The following GABRG3 variants were observed in gnomAD, a reference collection of about 807,000 sequenced individuals.
GABRG3 encodes the protein gamma-aminobutyric acid type A receptor subunit gamma3.
GABRG3 carries 25 observed loss-of-function variants against 48.8 expected under a neutral mutation model. The observed-to-expected ratio is 0.51, with a 90% confidence interval of 0.37 to 0.72. The LOEUF is 0.72. Among genes scored for constraint, GABRG3 ranks in the 30% least tolerant of loss-of-function variants. The pLI, the probability that GABRG3 is intolerant of heterozygous loss-of-function variation, is 0.00. For missense variants in GABRG3, 394 were observed against 577.9 expected, an observed-to-expected ratio of 0.68 and a Z score of 3.26; for synonymous variants, 227 against 217.6, an observed-to-expected ratio of 1.04 and a Z score of -0.38.
At chr15:27,148,164 A>C (rs1898243976) in intron 3 of GABRG3, among the ~76,000 whole-genome samples, 1 of 151,942 alleles carries the variant, frequency 6.6e-6, no homozygotes, top group Non-Finnish European at 1.5e-5. Context: ...GAAGAATTAC[A>C]AAAGAATACT....
intron 5 of GABRG3, among the ~76,000 whole-genome samples, chr15:27,407,577 A>G (rs986643995): frequency 6.6e-6 from 1 of 152,350 alleles, no homozygotes; most frequent in Non-Finnish European, 1.5e-5. Context: ...TTCAGTAGGT[A>G]AATGAATAAG....
At chr15:27,466,209 A>G (rs8024896) in intron 5 of GABRG3, among the ~76,000 whole-genome samples, 57,997 of 152,086 alleles carry the variant, frequency 0.38, 14,427 homozygotes, top group African/African-American at 0.69. Context: ...ACCCAGCAGC[A>G]GACTTTACAA....
chr15:27,301,870 T>C (rs1445731208), intron 3 of GABRG3, among the ~76,000 whole-genome samples: 1 of 152,050 alleles, frequency 6.6e-6, no homozygotes, highest in African/African-American at 2.4e-5. Flanking sequence ...TAATGGTGGC[T>C]TTCTCATCAG....
At chr15:27,067,800 T>A (rs1194906161) in intron 3 of GABRG3, among the ~76,000 whole-genome samples, 1 of 152,216 alleles carries the variant, frequency 6.6e-6, no homozygotes, top group East Asian at 1.9e-4. Context: ...CCTGTACTAA[T>A]CTCTTTTCTG....
At chr15:27,441,828 T>C (rs72707629) in intron 5 of GABRG3, among the ~76,000 whole-genome samples, 2,380 of 152,334 alleles carry the variant, frequency 0.016, 44 homozygotes, top group South Asian at 0.084. Flanking sequence ...ATGTTATGTT[T>C]TTTTTAAAGC....
intron 5 of GABRG3, among the ~76,000 whole-genome samples, chr15:27,406,556 G>C (rs1246357362): frequency 6.6e-6 from 1 of 152,118 alleles, no homozygotes; most frequent in Non-Finnish European, 1.5e-5. Flanking sequence ...GAAAACATCA[G>C]GCAAAACCAG....
chr15:27,289,601 T>C (rs972521880), intron 3 of GABRG3, among the ~76,000 whole-genome samples: 1 of 152,214 alleles, frequency 6.6e-6, no homozygotes, highest in Non-Finnish European at 1.5e-5. Flanking sequence ...TGTGCTCTAA[T>C]TGATCAAGTT....
intron 5 of GABRG3, among the ~76,000 whole-genome samples, chr15:27,395,115 T>A (rs1368413254): frequency 3.3e-5 from 5 of 152,204 alleles, no homozygotes; most frequent in Non-Finnish European, 5.9e-5. Context: ...TGATGGTGTC[T>A]CCCAGTCTCT....
In GABRG3 at chr15:26,988,581, A is replaced by G. The variant is rs181788871; in HGVS notation, c.202+11431A>G. Among the ~76,000 whole-genome samples, 320 of 152,126 alleles carry G rather than the reference A, an allele frequency of 2.1e-3. 2 individuals carry two copies. Among genetic ancestry groups the G allele is most frequent in the Middle Eastern group, 6.8e-3 (2 of 294 alleles). On this transcript the variant is annotated intron_variant, in intron 2 of 9. Transcript: ENST00000615808. The stretch of plus-strand genomic sequence containing the variant: ...GACATATAGGTGAATCTTGCCTTTA[A>G]TAAAAAAGCCCAATCTAACAATCTC...
intron 3 of GABRG3, among the ~76,000 whole-genome samples, chr15:27,055,379 GTATT>G (rs1896528053): frequency 6.6e-6 from 1 of 152,306 alleles, no homozygotes; most frequent in Non-Finnish European, 1.5e-5. Context: ...AATGTTATAA[GTATT>G]TATTTAGGAA....
At position 27,379,759 on chromosome 15, in the gene GABRG3, G is replaced by A. The variant is rs117732061; in HGVS notation, c.574+50871G>A. Among the ~76,000 whole-genome samples the A allele has an allele frequency of 5.9e-3, 905 of 152,200 alleles. 10 individuals are homozygous for A. Among genetic ancestry groups the A allele is most frequent in the South Asian group, 0.028 (136 of 4,818 alleles). ...TGCTCCATTCCCTTCTTACTGCCTTGATTTCTGAAGAGAAGTCCAGTGGAA... is the reference window on the plus strand; with the variant it reads ...TGCTCCATTCCCTTCTTACTGCCTTAATTTCTGAAGAGAAGTCCAGTGGAA... On this transcript the variant is annotated intron_variant, in intron 5 of 9. Coordinates refer to ENST00000615808, the MANE Select transcript of GABRG3 (RefSeq NM_033223.5).
intron 3 of GABRG3, among the ~76,000 whole-genome samples, chr15:27,240,344 G>A (rs1019379288): frequency 2.0e-5 from 3 of 152,168 alleles, no homozygotes; most frequent in Non-Finnish European, 4.4e-5. Context: ...CAGTGCTGGA[G>A]GCTAAGAAGA....
intron 5 of GABRG3, among the ~76,000 whole-genome samples, chr15:27,357,567 AT>A (rs1258778434): frequency 1.3e-5 from 2 of 152,244 alleles, no homozygotes; most frequent in Non-Finnish European, 2.9e-5. Context: ...TTCTAAAAAA[AT>A]AACTCTATTA....
At chr15:27,446,517 C>A (rs2140637555) in intron 5 of GABRG3, among the ~76,000 whole-genome samples, 1 of 152,144 alleles carries the variant, frequency 6.6e-6, no homozygotes, top group East Asian at 1.9e-4. Flanking sequence ...TGAGACAAGA[C>A]TGTTACATTA....
chr15:27,178,540 A>G (rs1000413407), intron 3 of GABRG3, among the ~76,000 whole-genome samples: 2 of 152,218 alleles, frequency 1.3e-5, no homozygotes, highest in Admixed American at 6.5e-5. Flanking sequence ...GTCGGTTCAC[A>G]AAAGGAAGGT....
chr15:27,156,183 C>T (rs1014043452), intron 3 of GABRG3, among the ~76,000 whole-genome samples: 2 of 150,278 alleles, frequency 1.3e-5, no homozygotes, highest in African/African-American at 4.9e-5. Context: ...CCAGTAGTCC[C>T]AGTTACTTGG....
intron 3 of GABRG3, among the ~76,000 whole-genome samples, chr15:27,200,542 C>G (rs1888649113): frequency 6.6e-6 from 1 of 152,178 alleles, no homozygotes; most frequent in South Asian, 2.1e-4. Flanking sequence ...ACAGCAGGGA[C>G]AGACCCCTCC....
intron 3 of GABRG3, among the ~76,000 whole-genome samples, chr15:27,326,452 C>A (rs952684382): frequency 6.6e-6 from 1 of 152,156 alleles, no homozygotes; most frequent in South Asian, 2.1e-4. Context: ...TTTTATAGAT[C>A]AGAGAACAGA....
chr15:27,511,228 G>A lies in GABRG3; in HGVS notation c.713-8744G>A, dbSNP rs1441010356. Among the ~76,000 whole-genome samples, 2 of 152,290 alleles carry A rather than the reference G, an allele frequency of 1.3e-5. 1 individual carries two copies. Among genetic ancestry groups the A allele is most frequent in the South Asian group, 4.1e-4 (2 of 4,820 alleles). On this transcript the variant is annotated intron_variant, in intron 6 of 9. Coordinates refer to ENST00000615808, the MANE Select transcript of GABRG3 (RefSeq NM_033223.5). The stretch of plus-strand genomic sequence containing the variant: ...GAATTATCTACAATTCTTTTGTAAG[G>A]TGCAGAGTTTTGTAAACAATAGATG...
Sources: allele counts gnomAD v4.1 joint callset (sites outside exome capture counted in the v4.1 genomes callset), GRCh38; gene constraint gnomAD v4.1.1; transcripts MANE v1.5; gene names NCBI Gene and HGNC (gene_info 2026-07-23, HGNC 2026-07-21).